Variants in TRERF1 observed in about 807,000 individuals in gnomAD.
The protein encoded by TRERF1 is transcriptional-regulating factor 1.
In TRERF1, 27 loss-of-function variants were observed where a neutral mutation model predicts 122.9. The ratio of observed to expected loss-of-function variants is 0.22; its 90% CI spans 0.16 to 0.30. The LOEUF (loss-of-function observed/expected upper bound fraction) is 0.30. TRERF1 is among the 10% of genes least tolerant of loss of function. The pLI, the probability that TRERF1 is intolerant of heterozygous loss-of-function variation, is 1.00. For synonymous variants in TRERF1, 636 were observed against 641.7 expected (o/e 0.99, Z 0.13); for missense variants, 1,248 against 1,560.3 (o/e 0.80, Z 3.37).
intron 4 of TRERF1, among the ~76,000 whole-genome samples, chr6:42,272,436 A>C (rs1780393167): frequency 6.6e-6 from 1 of 152,230 alleles, no homozygotes; most frequent in Non-Finnish European, 1.5e-5. Flanking sequence ...AGAAGCAAGG[A>C]GACTAATGAA....
intron 2 of TRERF1, among the ~76,000 whole-genome samples, chr6:42,424,193 A>G (rs928108143): frequency 2.0e-5 from 3 of 152,326 alleles, no homozygotes; most frequent in Non-Finnish European, 4.4e-5. Context: ...TATTCTTAGT[A>G]TATGTCATGT....
At position 42,363,989 on chromosome 6, in the gene TRERF1, T is replaced by C. The variant is rs141915967; in HGVS notation, c.-453-910A>G. On this transcript the variant is annotated intron_variant, in intron 2 of 17. Coordinates refer to ENST00000372922, the Ensembl canonical transcript of TRERF1. ...AGCATGCTCCCCAGAGCAGCCTAAGTGATCATTTAAAAATCACTCTTCTGC... is the reference window on the plus strand; with the variant it reads ...AGCATGCTCCCCAGAGCAGCCTAAGCGATCATTTAAAAATCACTCTTCTGC... Among the ~76,000 whole-genome samples, 1,135 of 152,308 alleles carry C rather than the reference T, an allele frequency of 7.5e-3. 23 individuals carry two copies. The highest frequency in any genetic ancestry group is 0.059 in the East Asian group (307 of 5,180).
intron 2 of TRERF1, among the ~76,000 whole-genome samples, chr6:42,409,948 G>A (rs534222389): frequency 6.6e-6 from 1 of 152,242 alleles, no homozygotes; most frequent in African/African-American, 2.4e-5. Flanking sequence ...TAATGCATAT[G>A]TAATTATTTC....
At chr6:42,413,685 C>A (rs1314689624) in intron 2 of TRERF1, among the ~76,000 whole-genome samples, 1 of 152,116 alleles carries the variant, frequency 6.6e-6, no homozygotes, top group Admixed American at 6.5e-5. Context: ...GCCACAGCCT[C>A]CCAAAGTGTT....
At chr6:42,407,418 A>G (rs1166738501) in intron 2 of TRERF1, among the ~76,000 whole-genome samples, 4 of 152,182 alleles carry the variant, frequency 2.6e-5, no homozygotes, top group Non-Finnish European at 5.9e-5. Flanking sequence ...AACTACAGAC[A>G]TTCTGCAGAG....
intron 3 of TRERF1, among the ~76,000 whole-genome samples, chr6:42,360,237 T>A (rs1771460451): frequency 6.6e-6 from 1 of 152,250 alleles, no homozygotes; most frequent in Non-Finnish European, 1.5e-5. Context: ...TATTCTTATT[T>A]CCATTTTATA....
intron 3 of TRERF1, among the ~76,000 whole-genome samples, chr6:42,320,708 G>A (rs775770732): frequency 1.3e-5 from 2 of 152,140 alleles, no homozygotes; most frequent in South Asian, 2.1e-4. Context: ...ATGGGATTTC[G>A]CCATGTTGGC....
intron 2 of TRERF1, among the ~76,000 whole-genome samples, chr6:42,405,038 C>T (rs770864625): frequency 2.0e-5 from 3 of 152,184 alleles, no homozygotes; most frequent in Non-Finnish European, 4.4e-5. Context: ...GTAACAGCAA[C>T]CACCACTTAC....
At chr6:42,322,052 T>G (rs762707016) in intron 3 of TRERF1, among the ~76,000 whole-genome samples, 1 of 152,164 alleles carries the variant, frequency 6.6e-6, no homozygotes, top group Non-Finnish European at 1.5e-5. Context: ...AGTTGGAAAG[T>G]AGAAGGCAAA....
Position 42,263,212 on chromosome 6 carries a change from G to T in TRERF1, c.1884+108C>A. 1 of 1,463,780 alleles carries T rather than the reference G, an allele frequency of 6.8e-7. No individual in the cohort carries two copies. The highest frequency in any genetic ancestry group is 9.0e-7 in the Non-Finnish European group (1 of 1,105,286). The allele number at this position is 1,463,780 out of a possible 1,614,324, so 90.7% of individuals were successfully genotyped here. A position where few individuals can be genotyped will look rare whatever the true frequency, so the allele number is the denominator to read the frequency against. On this transcript the variant is annotated intron_variant, in intron 8 of 17. Coordinates refer to ENST00000372922, the Ensembl canonical transcript of TRERF1. This position sits in a 1 kb window ranked among gnomAD's most constrained non-coding sequence, Gnocchi z 5.6. The stretch of plus-strand genomic sequence containing the variant: ...GAAGGGCCGCCCCATCTCCAAGAAA[G>T]CAAAGGGATGTCCCCACCCAGGCAG...
intron 3 of TRERF1, among the ~76,000 whole-genome samples, chr6:42,301,519 T>C (rs1786197613): frequency 6.6e-6 from 1 of 152,218 alleles, no homozygotes; most frequent in Non-Finnish European, 1.5e-5. Context: ...TGGGCCACCG[T>C]GCCCAGCCGA....
chr6:42,399,955 C>T (rs756192173), intron 2 of TRERF1, among the ~76,000 whole-genome samples: 2 of 152,196 alleles, frequency 1.3e-5, no homozygotes, highest in African/African-American at 2.4e-5. Flanking sequence ...GAGGGTCCCA[C>T]AGGACCTCAA....
chr6:42,277,944 A>AGAAGAAGAG (rs1781560896), intron 4 of TRERF1, among the ~76,000 whole-genome samples: 1 of 150,118 alleles, frequency 6.7e-6, no homozygotes, highest in Non-Finnish European at 1.5e-5. Flanking sequence ...AAGAAGAAGA[A>AGAAGAAGAG]GAAGAAGAAG....
At chr6:42,348,473 G>C (rs1214408082) in intron 3 of TRERF1, among the ~76,000 whole-genome samples, 3 of 151,916 alleles carry the variant, frequency 2.0e-5, no homozygotes, top group African/African-American at 4.8e-5. Context: ...GGCTGGTCCC[G>C]AACTCCTGAC....
At chr6:42,379,120 A>T (rs973475229) in intron 2 of TRERF1, among the ~76,000 whole-genome samples, 1 of 122,946 alleles carries the variant, frequency 8.1e-6, no homozygotes, top group Non-Finnish European at 1.6e-5. Context: ...GGCTTGTCTC[A>T]AAAAAAAATT....
intron 1 of TRERF1, among the ~76,000 whole-genome samples, 134 bp downstream of exon 1, chr6:42,451,540 C>T (rs1788517271): frequency 6.6e-6 from 1 of 152,014 alleles, no homozygotes; most frequent in African/African-American, 2.4e-5. Context: ...ACGCCTCCAC[C>T]CTCCCTTCAG....
Position 42,268,974 on chromosome 6 carries a change from T to C in TRERF1, c.617A>G (p.Gln206Arg), listed in dbSNP as rs1779751417. Residue 206 changes from glutamine (Q) to arginine (R), a missense_variant, in exon 5 of 18, where the codon CAG becomes CGG. Physicochemically the swap from Gln to Arg is conservative, Grantham distance 43. Coordinates refer to ENST00000372922, the Ensembl canonical transcript of TRERF1. This position sits in a 1 kb window ranked among gnomAD's most constrained non-coding sequence, Gnocchi z 4.4. ...ACCAGTGAAACCAGGGTGAGGCTGC[T>C]GGGGCACCTGCTGGTAGCGGGAAGG... The C allele has an allele frequency of 6.2e-7, 1 of 1,612,180 alleles. No homozygotes were observed. The highest frequency in any genetic ancestry group is 8.5e-7 in the Non-Finnish European group (1 of 1,178,678).
At chr6:42,250,258 C>T (rs1045751200) in intron 13 of TRERF1, among the ~76,000 whole-genome samples, 1 of 152,190 alleles carries the variant, frequency 6.6e-6, no homozygotes, top group Non-Finnish European at 1.5e-5. Flanking sequence ...GGCTATGAGA[C>T]GTATGCCACC....
At chr6:42,265,877 G>T in intron 5 of TRERF1, 80 bp from the exon 6 acceptor site, 1 of 1,437,358 alleles carries the variant, frequency 7.0e-7, no homozygotes, top group South Asian at 1.2e-5. Flanking sequence ...CGAGCAGTGG[G>T]AACACCAGGT....
Sources: allele counts gnomAD v4.1 joint callset (sites outside exome capture counted in the v4.1 genomes callset), GRCh38; gene constraint gnomAD v4.1.1; non-coding constraint Gnocchi (gnomAD v3.1); transcripts MANE v1.5; gene names NCBI Gene and HGNC (gene_info 2026-07-23, HGNC 2026-07-21).